FAM222B: variants seen among roughly 807,000 people sequenced by gnomAD.
The protein encoded by FAM222B is protein FAM222B.
Under a neutral mutation model 38.0 loss-of-function variants are expected in FAM222B, and 12 were observed. That is an observed-to-expected ratio of 0.32 (90% confidence interval 0.20 to 0.51). The LOEUF (loss-of-function observed/expected upper bound fraction) is 0.51, where lower values mean the gene tolerates loss of function less well. FAM222B is among the 20% of genes least tolerant of loss of function. The pLI is 0.97. For missense variants in FAM222B, 716 were observed against 754.2 expected (o/e 0.95, Z 0.59); for synonymous variants, 329 against 317.2 (o/e 1.04, Z -0.40).
At chr17:28,825,368 A>C (rs1445452233) in intron 1 of FAM222B, among the ~76,000 whole-genome samples, 3 of 137,266 alleles carry the variant, frequency 2.2e-5, no homozygotes, top group African/African-American at 8.0e-5. Context: ...CCGGTGGTGG[A>C]GGTTACGGGG....
At chr17:28,845,764 G>A (rs1317926482), upstream of FAM222B, among the ~76,000 whole-genome samples, 58 of 150,482 alleles carry the variant, frequency 3.9e-4, no homozygotes, top group Admixed American at 2.7e-4. Flanking sequence ...GCATGGTGGC[G>A]GGTGCCTGTA....
At chr17:28,763,812 G>A (rs760751982) in intron 2 of FAM222B, among the ~76,000 whole-genome samples, 1 of 152,192 alleles carries the variant, frequency 6.6e-6, no homozygotes, top group Non-Finnish European at 1.5e-5. Context: ...CCTGGCACAT[G>A]GTAGCAACTT....
At chr17:28,775,368 T>A (rs1372270442) in intron 1 of FAM222B, among the ~76,000 whole-genome samples, 2 of 151,468 alleles carry the variant, frequency 1.3e-5, no homozygotes, top group Non-Finnish European at 2.9e-5. Context: ...AAGTGATCTC[T>A]AGAGAGCTCA....
intron 1 of FAM222B, among the ~76,000 whole-genome samples, chr17:28,832,828 C>CA (rs2152615620): frequency 6.6e-6 from 1 of 151,952 alleles, no homozygotes; most frequent in South Asian, 2.1e-4. Context: ...TCCTACCTTG[C>CA]AAACAAGCTA....
Position 28,824,906 on chromosome 17 carries a change from C to T in FAM222B, c.-41+17776G>A, listed in dbSNP as rs866529967. ...TCAGCCTCCCGAGTAGCTGGGATTA[C>T]AGGCATGTGCCACCACGCCCAGCTA... On this transcript the variant is annotated intron_variant, in intron 1 of 2. Coordinates refer to ENST00000581407, the MANE Select transcript of FAM222B (RefSeq NM_001077498.3). Among the ~76,000 whole-genome samples, 3 of 152,136 alleles carry T rather than the reference C, an allele frequency of 2.0e-5. No individual in the cohort carries two copies. The South Asian group carries it at 6.2e-4, about 32-fold the overall frequency.
intron 1 of FAM222B, among the ~76,000 whole-genome samples, chr17:28,833,425 T>C (rs2038734240): frequency 6.6e-6 from 1 of 151,674 alleles, no homozygotes; most frequent in South Asian, 2.1e-4. Flanking sequence ...GAGACTACCC[T>C]GGCCAACATG....
intron 1 of FAM222B, among the ~76,000 whole-genome samples, chr17:28,771,360 T>A (rs543864750): frequency 6.6e-6 from 1 of 152,240 alleles, no homozygotes; most frequent in South Asian, 2.1e-4. Flanking sequence ...AGGAAAACCA[T>A]ATATTTAGTA....
chr17:28,771,831 G>C (rs1351098503), intron 1 of FAM222B, among the ~76,000 whole-genome samples: 1 of 152,160 alleles, frequency 6.6e-6, no homozygotes, highest in Non-Finnish European at 1.5e-5. Flanking sequence ...GAGGTGGGCG[G>C]ATCACGAGGT....
intron 1 of FAM222B, among the ~76,000 whole-genome samples, chr17:28,788,818 T>A (rs997088836): frequency 1.3e-5 from 2 of 152,030 alleles, no homozygotes; most frequent in Non-Finnish European, 2.9e-5. Flanking sequence ...ATTGGCTTAC[T>A]ATAACCACTG....
chr17:28,767,477 CTTAT>C (rs537058887), intron 1 of FAM222B, among the ~76,000 whole-genome samples: 51 of 149,020 alleles, frequency 3.4e-4, no homozygotes, highest in Non-Finnish European at 6.2e-4. Flanking sequence ...CATTTATTTA[CTTAT>C]TTATTTATTT....
At chr17:28,843,453 T>C (rs1416794103), upstream of FAM222B, among the ~76,000 whole-genome samples, 1 of 145,644 alleles carries the variant, frequency 6.9e-6, no homozygotes, top group African/African-American at 2.5e-5. Flanking sequence ...TTTTTTTTTT[T>C]TTTTTTTTTT....
At chr17:28,847,137 C>A (rs1453831021), upstream of FAM222B, among the ~76,000 whole-genome samples, 1 of 151,000 alleles carries the variant, frequency 6.6e-6, no homozygotes. Flanking sequence ...GCAGGAAAAT[C>A]GCTTGAACCC....
rs1478066055 is a variant in FAM222B at position 28,759,631 on chromosome 17, T to C, written c.328A>G (p.Lys110Glu). 6.2e-7 allele frequency: 1 copy of C among 1,612,940 alleles called. No homozygotes were observed. Among genetic ancestry groups the C allele is most frequent in the Admixed American group, 1.7e-5 (1 of 59,822 alleles). ...CCGTCAAAGTCCTTGAGTATGCTTT[T>C]GGCTGGCACTTTGACAATGGCAAGC... Reference protein sequence around the residue: ...GLLAIVKVPAKSILKDFDGTR... With the variant: ...GLLAIVKVPAESILKDFDGTR... The change falls in exon 3 of 3, where the codon AAA becomes GAA. Residue 110 changes from lysine to glutamate, a missense_variant. Coordinates refer to ENST00000581407, the MANE Select transcript of FAM222B (RefSeq NM_001077498.3). This position sits in a 1 kb window ranked among gnomAD's most constrained non-coding sequence, Gnocchi z 4.8.
intron 1 of FAM222B, among the ~76,000 whole-genome samples, chr17:28,784,247 G>T (rs1296882650): frequency 6.6e-6 from 1 of 152,028 alleles, no homozygotes; most frequent in African/African-American, 2.4e-5. Context: ...GCTGAGGTAG[G>T]AAGACTGCTT....
intron 1 of FAM222B, among the ~76,000 whole-genome samples, chr17:28,819,339 C>T (rs1000354787): frequency 2.0e-5 from 3 of 151,878 alleles, no homozygotes; most frequent in Non-Finnish European, 4.4e-5. Context: ...GACAAATAAC[C>T]AAAGGGGAAA....
intron 1 of FAM222B, among the ~76,000 whole-genome samples, chr17:28,794,439 C>G (rs1391111584): frequency 5.3e-5 from 8 of 151,834 alleles, no homozygotes; most frequent in East Asian, 2.0e-4. Context: ...AGGATGGTCT[C>G]AAACTCCTGA....
intron 1 of FAM222B, chr17:28,766,917 C>T (rs2035357504): frequency 4.2e-6 from 2 of 473,608 alleles, no homozygotes; most frequent in South Asian, 5.0e-5. Flanking sequence ...TTTTCAGTTA[C>T]CACAGATGTA....
At chr17:28,853,668 T>G (rs1485443366) in intron 1 of FAM222B, among the ~76,000 whole-genome samples, 1 of 152,220 alleles carries the variant, frequency 6.6e-6, no homozygotes, top group Non-Finnish European at 1.5e-5. Flanking sequence ...TAGAGATTTC[T>G]GTCTGTTTTG....
rs1382426872 is a variant in FAM222B at position 28,758,967 on chromosome 17, T to G, written c.992A>C (p.His331Pro). 8.7e-6 allele frequency: 14 copies of G among 1,611,462 alleles called. No homozygotes were observed. The highest frequency in any genetic ancestry group is 1.2e-5 in the Non-Finnish European group (14 of 1,179,028). ...SCVVNPMEHT[H>P]AATAALPAAG... ...AGCAGGCAACGCGGCGGTGGCCGCG[T>G]GGGTGTGCTCCATGGGATTGACCAC... The change falls in exon 3 of 3, where the codon CAC (histidine) becomes CCC (proline). Residue 331 changes from histidine (H) to proline (P), a missense_variant. Physicochemically the swap from His to Pro is moderately conservative, Grantham distance 77. Coordinates refer to ENST00000581407, the MANE Select transcript of FAM222B (RefSeq NM_001077498.3).
Sources: allele counts gnomAD v4.1 joint callset (sites outside exome capture counted in the v4.1 genomes callset), GRCh38; gene constraint gnomAD v4.1.1; non-coding constraint Gnocchi (gnomAD v3.1); transcripts MANE v1.5; gene names NCBI Gene and HGNC (gene_info 2026-07-23, HGNC 2026-07-21).